Variants in IFT80 observed in about 807,000 individuals in gnomAD.
IFT80 encodes the protein intraflagellar transport 80.
A neutral mutation model predicts 107.9 loss-of-function variants in IFT80; 79 were observed. That is an observed-to-expected ratio of 0.73 (90% CI 0.61 to 0.88). The LOEUF (loss-of-function observed/expected upper bound fraction) is 0.88. Ranked by LOEUF, IFT80 falls within the 40% of genes least tolerant of loss-of-function variation. The pLI is 0.00. For synonymous variants in IFT80, 299 were observed against 300.9 expected (o/e 0.99, Z 0.07); for missense variants, 797 against 914.2 (o/e 0.87, Z 1.65).
chr3:160,323,814 C>T (rs535471672), intron 8 of IFT80, among the ~76,000 whole-genome samples: 5 of 151,974 alleles, frequency 3.3e-5, no homozygotes, highest in South Asian at 2.1e-4. Context: ...CAAAAAAAAC[C>T]CTTCAAAAAA....
At chr3:160,262,369 A>G (rs1222532726) in intron 19 of IFT80, among the ~76,000 whole-genome samples, 1 of 152,188 alleles carries the variant, frequency 6.6e-6, no homozygotes, top group Admixed American at 6.5e-5. Flanking sequence ...GGTTTGTTCT[A>G]TTTTTGAGAC....
At chr3:160,274,685 T>C (rs1387378388) in intron 18 of IFT80, 1 of 152,236 alleles carries the variant, frequency 6.6e-6, no homozygotes, top group African/African-American at 2.4e-5. Context: ...ACGTCTGTAA[T>C]CCCAGTGCTT....
intron 13 of IFT80, 37 bp downstream of exon 13, chr3:160,285,767 G>C (rs1235180958): frequency 1.6e-6 from 2 of 1,214,332 alleles, no homozygotes; most frequent in Non-Finnish European, 1.2e-6. Context: ...TAAATAAATA[G>C]TGGCTATTTA....
In IFT80 at chr3:160,307,671, G is replaced by C. The variant is rs774425025; in HGVS notation, c.1068C>G (p.Tyr356Ter). The change falls in exon 10 of 20, where the codon TAC becomes TAG. Residue 356 changes from tyrosine (Y) to a stop codon, truncating the protein, a stop_gained. Transcript: ENST00000326448. LOFTEE classifies it high-confidence loss of function. ...HLVVSTSLQC[Y>*]VFSTKNWNTP... ...AAATGCAAGATGCTTACGAGAACACGTAACATTGAAGAGACGTTGAAACAA... is the reference window on the plus strand; with the variant it reads ...AAATGCAAGATGCTTACGAGAACACCTAACATTGAAGAGACGTTGAAACAA... 1 of 1,501,234 alleles carries C rather than the reference G, an allele frequency of 6.7e-7. No individual in the cohort carries two copies. Among genetic ancestry groups the C allele is most frequent in the South Asian group, 1.1e-5 (1 of 88,742 alleles). The allele number at this position is 1,501,234 out of a possible 1,614,324, so 93.0% of individuals were successfully genotyped here.
intron 1 of IFT80, among the ~76,000 whole-genome samples, chr3:160,387,281 G>A (rs185785688): frequency 1.8e-4 from 27 of 152,280 alleles, no homozygotes; most frequent in Non-Finnish European, 2.8e-4. Context: ...CGAGGCAGGC[G>A]GATCACGAGG....
intron 18 of IFT80, among the ~76,000 whole-genome samples, chr3:160,276,078 C>T (rs943397790): frequency 1.3e-5 from 2 of 151,988 alleles, no homozygotes; most frequent in Non-Finnish European, 2.9e-5. Flanking sequence ...CCATATTGGC[C>T]AGGCTGGTCT....
intron 12 of IFT80, among the ~76,000 whole-genome samples, chr3:160,297,967 G>A (rs1016821007): frequency 6.6e-6 from 1 of 152,094 alleles, no homozygotes; most frequent in Non-Finnish European, 1.5e-5. Flanking sequence ...TTCGAAACAT[G>A]AGTAACTACT....
intron 2 of IFT80, chr3:160,383,921 C>T: frequency 1.0e-6 from 1 of 985,384 alleles, no homozygotes; most frequent in Non-Finnish European, 1.2e-6. Flanking sequence ...TGCTAGATCA[C>T]ACTAGCAAAG....
At chr3:160,358,002 A>T (rs560806463) in intron 6 of IFT80, among the ~76,000 whole-genome samples, 7 of 150,404 alleles carry the variant, frequency 4.7e-5, no homozygotes, top group East Asian at 2.0e-4. Context: ...TTACTTATTT[A>T]TTTTATTTAT....
intron 6 of IFT80, among the ~76,000 whole-genome samples, chr3:160,360,393 A>G (rs1328698644): frequency 6.6e-6 from 1 of 152,194 alleles, no homozygotes; most frequent in African/African-American, 2.4e-5. Context: ...GTGTACCTGA[A>G]AGTGATAGGG....
At chr3:160,377,341 G>A (rs767973722) in intron 4 of IFT80, 89 bp downstream of exon 4, 2 of 768,610 alleles carry the variant, frequency 2.6e-6, no homozygotes, top group Non-Finnish European at 4.7e-6. Flanking sequence ...CACAATGAAA[G>A]ACACTATTGC....
At chr3:160,319,589 G>A (rs1198482765) in intron 9 of IFT80, among the ~76,000 whole-genome samples, 171 bp downstream of exon 9, 1 of 151,982 alleles carries the variant, frequency 6.6e-6, no homozygotes, top group Admixed American at 6.6e-5. Context: ...CTATATCTGT[G>A]AAAGGTTTTT....
chr3:160,343,175 C>A (rs935439770), intron 8 of IFT80, among the ~76,000 whole-genome samples: 2 of 152,074 alleles, frequency 1.3e-5, no homozygotes, highest in African/African-American at 4.8e-5. Context: ...TCATTTAGGG[C>A]ACATTAACTG....
chr3:160,334,428 CTT>C (rs34377587), intron 8 of IFT80, among the ~76,000 whole-genome samples: 6 of 141,916 alleles, frequency 4.2e-5, no homozygotes, highest in Non-Finnish European at 4.6e-5. Context: ...AATTGGCTCG[CTT>C]TTTTTTTTTT....
At chr3:160,341,671 A>G (rs1301727622) in intron 8 of IFT80, among the ~76,000 whole-genome samples, 1 of 152,166 alleles carries the variant, frequency 6.6e-6, no homozygotes, top group East Asian at 1.9e-4. Context: ...TGTACACTTT[A>G]GAGTTGTTAA....
chr3:160,289,398 C>T (rs1198195471), intron 12 of IFT80, among the ~76,000 whole-genome samples: 1 of 152,146 alleles, frequency 6.6e-6, no homozygotes, highest in Non-Finnish European at 1.5e-5. Context: ...CAACAAACCC[C>T]TATGACACAA....
chr3:160,386,556 G>A (rs1266639145), intron 1 of IFT80, among the ~76,000 whole-genome samples: 1 of 152,158 alleles, frequency 6.6e-6, no homozygotes, highest in Admixed American at 6.5e-5. Flanking sequence ...TTTTGGTCCA[G>A]TGTGGGTCAA....
intron 1 of IFT80, among the ~76,000 whole-genome samples, chr3:160,385,154 A>G (rs1712826101): frequency 6.6e-6 from 1 of 152,246 alleles, no homozygotes; most frequent in Admixed American, 6.5e-5. Flanking sequence ...CCACAGTGAC[A>G]ATGTGAAAAA....
chr3:160,352,824 A>C (rs1056521764), intron 8 of IFT80, among the ~76,000 whole-genome samples: 4 of 152,274 alleles, frequency 2.6e-5, no homozygotes, highest in African/African-American at 9.6e-5. Context: ...TTATACAGCA[A>C]GGATTTATCT....
Sources: allele counts gnomAD v4.1 joint callset (sites outside exome capture counted in the v4.1 genomes callset), GRCh38; gene constraint gnomAD v4.1.1; transcripts MANE v1.5; gene names NCBI Gene and HGNC (gene_info 2026-07-23, HGNC 2026-07-21).